Variants in MILR1 observed in about 807,000 individuals in gnomAD.
MILR1 encodes allergin-1.
A neutral mutation model predicts 18.5 loss-of-function variants in MILR1; 31 were observed. That is an observed-to-expected ratio of 1.68 (90% CI 1.26 to 2.26). The LOEUF (loss-of-function observed/expected upper bound fraction) is 2.26. MILR1 is among the 30% of genes most tolerant of loss of function. The pLI is 0.00. For missense variants in MILR1, 257 were observed against 157.4 expected, an observed-to-expected ratio of 1.63 and a Z score of -3.38; for synonymous variants, 85 against 56.2, an observed-to-expected ratio of 1.51 and a Z score of -2.30.
chr17:64,459,155 G>A (rs935458775), intron 4 of MILR1, among the ~76,000 whole-genome samples: 26 of 152,262 alleles, frequency 1.7e-4, no homozygotes, highest in South Asian at 2.1e-4. Flanking sequence ...AAACTAGGTC[G>A]TGTGCAGTGG....
At chr17:64,494,515 T>G in the MILR1 span, among the ~76,000 whole-genome samples, 1 of 152,346 alleles carries the variant, frequency 6.6e-6, no homozygotes, top group South Asian at 2.1e-4. Flanking sequence ...AATTTTCTAA[T>G]GTATCTTTCC....
Position 64,468,346 on chromosome 17 carries a change from T to C in MILR1, c.*65T>C. On this transcript the variant is annotated 3_prime_UTR_variant, in exon 10 of 10. Transcript: ENST00000619286. ...CTCTGTTGCCCAGGCTGGAGTTCAG[T>C]AGCGCGATCTTGGCTCACTTCAATC... The C allele has an allele frequency of 4.4e-6, 2 of 453,564 alleles. No homozygotes were observed. Among genetic ancestry groups the C allele is most frequent in the South Asian group, 1.6e-5 (1 of 64,180 alleles). The allele number at this position is 453,564 out of a possible 1,614,324, so 28.1% of individuals were successfully genotyped here.
chr17:64,449,454 C>A, intron 2 of MILR1, 99 bp downstream of exon 2: 1 of 413,044 alleles, frequency 2.4e-6, no homozygotes, highest in East Asian at 3.5e-5. Context: ...TGTTTCTGAG[C>A]TTTTATGAAC....
chr17:64,496,486 C>T, the MILR1 span: 13 of 1,612,804 alleles, frequency 8.1e-6, no homozygotes, highest in Middle Eastern at 1.7e-4. Context: ...CCTTACTCAG[C>T]TCTTTGTCTT....
Sources: gnomAD v4.1 joint callset for allele counts (sites outside exome capture counted in the v4.1 genomes callset) on GRCh38, gnomAD v4.1.1 for gene constraint, MANE v1.5 for transcripts, NCBI Gene and HGNC (gene_info 2026-07-23, HGNC 2026-07-21) for gene names.